The following ARHGEF33 variants were observed in gnomAD, a reference collection of about 807,000 sequenced individuals.
ARHGEF33 encodes Rho guanine nucleotide exchange factor 33.
In ARHGEF33, 72 loss-of-function variants were observed where a neutral mutation model predicts 101.9. The observed-to-expected ratio is 0.71, with a 90% CI of 0.58 to 0.86. The LOEUF (loss-of-function observed/expected upper bound fraction) is 0.86, where lower values mean the gene tolerates loss of function less well. Ranked by LOEUF, ARHGEF33 falls within the 40% of genes least tolerant of loss-of-function variation. The pLI is 0.00. For synonymous variants in ARHGEF33, 499 were observed against 442.5 expected (o/e 1.13, Z -1.60); for missense variants, 1,169 against 1,111.3 (o/e 1.05, Z -0.74).
chr2:38,923,286 C>G (rs1416759963), intron 4 of ARHGEF33, among the ~76,000 whole-genome samples: 1 of 151,734 alleles, frequency 6.6e-6, no homozygotes, highest in African/African-American at 2.4e-5. Flanking sequence ...TCTGTTTACT[C>G]CAAGCAACAT....
chr2:38,910,524 C>T (rs1666486485), intron 2 of ARHGEF33, among the ~76,000 whole-genome samples: 1 of 152,178 alleles, frequency 6.6e-6, no homozygotes, highest in South Asian at 2.1e-4. Flanking sequence ...GAGCAGAGAT[C>T]CTGCCACTGC....
At chr2:38,909,492 CTTTTTTTT>C (rs768568418) in intron 2 of ARHGEF33, among the ~76,000 whole-genome samples, 1 of 117,402 alleles carries the variant, frequency 8.5e-6, no homozygotes, top group African/African-American at 3.1e-5. Flanking sequence ...TGGCTAATTT[CTTTTTTTT>C]TTTTTTTTTT....
chr2:38,908,573 C>A (rs1166426131), intron 2 of ARHGEF33, among the ~76,000 whole-genome samples: 3 of 152,160 alleles, frequency 2.0e-5, no homozygotes, highest in African/African-American at 7.2e-5. Context: ...CTTAGGTGAA[C>A]AACAACAAAA....
At position 38,974,630 on chromosome 2, in the gene ARHGEF33, C is replaced by A. The variant is rs561750269; in HGVS notation, c.*787C>A. The A allele has an allele frequency of 6.6e-6, 1 of 152,112 alleles. No homozygotes were observed. The highest frequency in any genetic ancestry group is 1.5e-5 in the Non-Finnish European group (1 of 68,038). The allele number at this position is 152,112 out of a possible 1,614,324, so 9.4% of individuals were successfully genotyped here. ...GAGTACTCAGTATTCAAGACCCACT[C>A]GTGATCTTGAGTGTCACACACACTC... is the stretch of plus-strand genomic sequence containing the variant. On this transcript the variant is annotated 3_prime_UTR_variant, in exon 18 of 18. Transcript: ENST00000409978.
chr2:38,947,991 T>TAA (rs1667494271), intron 10 of ARHGEF33, among the ~76,000 whole-genome samples: 1 of 152,192 alleles, frequency 6.6e-6, no homozygotes, highest in Admixed American at 6.5e-5. Flanking sequence ...TTAGTGTATT[T>TAA]CCCTCATTGA....
intron 2 of ARHGEF33, among the ~76,000 whole-genome samples, chr2:38,902,370 A>C (rs1412996839): frequency 6.6e-6 from 1 of 152,128 alleles, no homozygotes; most frequent in Admixed American, 6.5e-5. Context: ...GAGATTAAAG[A>C]CGTGTTATCC....
intron 12 of ARHGEF33, among the ~76,000 whole-genome samples, chr2:38,953,633 C>G (rs1239575133): frequency 1.3e-5 from 2 of 152,186 alleles, no homozygotes; most frequent in African/African-American, 4.8e-5. Context: ...TAAGGTGGCT[C>G]TAGTCATGTT....
In ARHGEF33 at chr2:38,937,318, TC is replaced by T. The variant is rs756290495; in HGVS notation, c.566-11del. ...GCAGTTTTCTTTGTTTCCCCGCCCC[TC>T]CCCCCACCCCACCAGGAGTGAACCC... is the stretch of plus-strand genomic sequence containing the variant. On this transcript the variant is annotated splice_polypyrimidine_tract_variant and intron_variant, in intron 8 of 17. Coordinates refer to ENST00000409978, the MANE Select transcript of ARHGEF33 (RefSeq NM_001145451.5). The T allele has an allele frequency of 2.5e-4, 63 of 255,198 alleles. No homozygotes were observed. The highest frequency in any genetic ancestry group is 8.1e-4 in the Middle Eastern group (1 of 1,232). The allele number at this position is 255,198 out of a possible 1,614,324, so 15.8% of individuals were successfully genotyped here.
chr2:38,972,539 A>G lies in ARHGEF33; in HGVS notation c.2484-1175A>G, dbSNP rs566864489. Among the ~76,000 whole-genome samples the G allele has an allele frequency of 8.5e-5, 13 of 152,352 alleles. No individual in the cohort carries two copies. The South Asian group carries it at 2.5e-3, about 29-fold the overall frequency. On this transcript the variant is annotated intron_variant, in intron 17 of 17. Coordinates refer to ENST00000409978, the MANE Select transcript of ARHGEF33 (RefSeq NM_001145451.5). ...TATGGCTTCATCTGTGATATTGAAT[A>G]TCAGAGGGCAAAGTGAAAATACCTA...
At chr2:38,943,080 A>C (rs1667353999) in intron 9 of ARHGEF33, among the ~76,000 whole-genome samples, 1 of 152,128 alleles carries the variant, frequency 6.6e-6, no homozygotes, top group Non-Finnish European at 1.5e-5. Context: ...GGCGTGTGCC[A>C]CCACATCTGG....
At chr2:38,953,042 C>T in intron 11 of ARHGEF33, 120 bp from the exon 12 acceptor site, 4 of 620,564 alleles carry the variant, frequency 6.4e-6, no homozygotes, top group South Asian at 2.0e-5. Flanking sequence ...AAATGAAGAA[C>T]ATATTAAATG....
At position 38,941,412 on chromosome 2, in the gene ARHGEF33, A is replaced by G. The variant is rs61129337; in HGVS notation, c.791-2489A>G. ...AATGCTTTCACATAGTTGATTAATA[A>G]TTTGGCCAAATAAGACATCTTTTTT... On this transcript the variant is annotated intron_variant, in intron 9 of 17. Coordinates refer to ENST00000409978, the MANE Select transcript of ARHGEF33 (RefSeq NM_001145451.5). 4.2e-3 allele frequency among the ~76,000 whole-genome samples: 643 copies of G among 152,262 alleles called. 4 individuals are homozygous for G. Among genetic ancestry groups the G allele is most frequent in the African/African-American group, 0.015 (611 of 41,542 alleles).
chr2:38,902,587 C>A (rs946908830), intron 2 of ARHGEF33, among the ~76,000 whole-genome samples: 121 of 152,238 alleles, frequency 7.9e-4, no homozygotes, highest in African/African-American at 2.8e-3. Flanking sequence ...TACACTGATT[C>A]CTTAGCTAAA....
At chr2:38,946,174 G>T (rs921998535) in intron 10 of ARHGEF33, among the ~76,000 whole-genome samples, 2 of 152,196 alleles carry the variant, frequency 1.3e-5, no homozygotes, top group African/African-American at 2.4e-5. Flanking sequence ...CAGGCGGGAG[G>T]TCATAGGGGA....
chr2:38,972,122 C>A (rs1300399274), intron 17 of ARHGEF33, among the ~76,000 whole-genome samples: 1 of 152,134 alleles, frequency 6.6e-6, no homozygotes, highest in Admixed American at 6.5e-5. Context: ...CAATTCAAAT[C>A]CTGCCCCTGA....
At chr2:38,904,023 A>G (rs1043450781) in intron 2 of ARHGEF33, among the ~76,000 whole-genome samples, 1 of 152,250 alleles carries the variant, frequency 6.6e-6, no homozygotes, top group African/African-American at 2.4e-5. Context: ...GGAAAAAAAT[A>G]GCCTCTTTTC....
chr2:38,906,364 C>A (rs1666390963), intron 2 of ARHGEF33, among the ~76,000 whole-genome samples: 2 of 152,084 alleles, frequency 1.3e-5, no homozygotes, highest in Admixed American at 1.3e-4. Flanking sequence ...TGAAATAATG[C>A]AACAATAGAT....
At chr2:38,937,649 G>A in intron 9 of ARHGEF33, 90 bp downstream of exon 9, 1 of 797,426 alleles carries the variant, frequency 1.3e-6, no homozygotes, top group Non-Finnish European at 2.0e-6. Flanking sequence ...TTGCCGTTTA[G>A]ATTCAGTGGA....
At position 38,959,883 on chromosome 2, in the gene ARHGEF33, C is replaced by G; in HGVS notation, c.1578C>G (p.Ser526Arg). The G allele has an allele frequency of 6.4e-7, 1 of 1,551,760 alleles. No individual in the cohort carries two copies. Among genetic ancestry groups the G allele is most frequent in the Non-Finnish European group, 8.7e-7 (1 of 1,146,846 alleles). Reference protein sequence around the residue: ...PPVKKSQQQQSLMESMQPGKP... With the variant: ...PPVKKSQQQQRLMESMQPGKP... ...TGAAGAAAAGCCAACAGCAGCAAAG[C>G]CTGATGGAGAGCATGCAGCCCGGGA... Residue 526 changes from serine (S) to arginine (R), a missense_variant, in exon 16 of 18, where the codon AGC becomes AGG. Ser to Arg is a moderately radical substitution (Grantham distance 110). Coordinates refer to ENST00000409978, the MANE Select transcript of ARHGEF33 (RefSeq NM_001145451.5).
Sources: gnomAD v4.1 joint callset for allele counts (sites outside exome capture counted in the v4.1 genomes callset) on GRCh38, gnomAD v4.1.1 for gene constraint, MANE v1.5 for transcripts, NCBI Gene and HGNC (gene_info 2026-07-23, HGNC 2026-07-21) for gene names.